The following GPC6 variants were observed in gnomAD, a reference collection of about 807,000 sequenced individuals.
The protein encoded by GPC6 is glypican-6.
GPC6 carries 14 observed loss-of-function variants against 55.2 expected under a neutral mutation model. That is an observed-to-expected ratio of 0.25 (90% CI 0.17 to 0.40). GPC6 has a LOEUF of 0.40. Ranked by LOEUF, GPC6 falls within the 10% of genes least tolerant of loss-of-function variation. The pLI, the probability that GPC6 is intolerant of heterozygous loss-of-function variation, is 1.00. For missense variants in GPC6, 641 were observed against 708.5 expected, an observed-to-expected ratio of 0.90 and a Z score of 1.08; for synonymous variants, 278 against 259.6, an observed-to-expected ratio of 1.07 and a Z score of -0.68.
intron 1 of GPC6, among the ~76,000 whole-genome samples, chr13:93,422,445 G>A (rs1876956945): frequency 6.6e-6 from 1 of 152,130 alleles, no homozygotes; most frequent in African/African-American, 2.4e-5. Context: ...CCACTGCATG[G>A]ATGTGGAATG....
intron 2 of GPC6, among the ~76,000 whole-genome samples, chr13:93,790,404 A>G (rs1310144319): frequency 6.6e-6 from 1 of 152,212 alleles, no homozygotes. Flanking sequence ...ATTTAAATAG[A>G]AAGACATAAC....
chr13:93,681,527 A>G lies in GPC6; in HGVS notation c.319+136106A>G, dbSNP rs1177525114. ...ATACAGAAATCAATTTGGATATTCTATGGTATTAAATAAAACTTAATTACA... is the reference window on the plus strand; with the variant it reads ...ATACAGAAATCAATTTGGATATTCTGTGGTATTAAATAAAACTTAATTACA... On this transcript the variant is annotated intron_variant, in intron 2 of 8. Coordinates refer to ENST00000377047, the MANE Select transcript of GPC6 (RefSeq NM_005708.5). 3.3e-5 allele frequency among the ~76,000 whole-genome samples: 5 copies of G among 152,328 alleles called. No individual in the cohort carries two copies. The East Asian group carries it at 5.8e-4, about 18-fold the overall frequency.
rs547030706 is a variant in GPC6, at chr13:94,055,352, A to C, written c.877+27458A>C. 2.6e-4 allele frequency among the ~76,000 whole-genome samples: 40 copies of C among 152,338 alleles called. No individual in the cohort carries two copies. In the South Asian group the frequency reaches 4.4e-3, roughly 17 times the overall value. Reference sequence around the variant, plus strand: ...CTAGCAAAGAAAGGAGGAGAAAGAAAAGGTAATCATCTAGGATAGCACTGG... The same window carrying C: ...CTAGCAAAGAAAGGAGGAGAAAGAACAGGTAATCATCTAGGATAGCACTGG... On this transcript the variant is annotated intron_variant, in intron 4 of 8. Coordinates refer to ENST00000377047, the MANE Select transcript of GPC6 (RefSeq NM_005708.5).
rs185478150 is a variant in GPC6 at position 93,349,285 on chromosome 13, A to G, written c.160+121669A>G. ...CTTTTTTTTCCCTGTAAAAGTAACT[A>G]AGTTGTATCATTGATGACATGCCAT... On this transcript the variant is annotated intron_variant, in intron 1 of 8. Coordinates refer to ENST00000377047, the MANE Select transcript of GPC6 (RefSeq NM_005708.5). Among the ~76,000 whole-genome samples, 176 of 152,166 alleles carry G rather than the reference A, an allele frequency of 1.2e-3. 1 individual carries two copies. The highest frequency in any genetic ancestry group is 4.1e-3 in the African/African-American group (170 of 41,510).
At chr13:93,371,036 C>A (rs1450759785) in intron 1 of GPC6, among the ~76,000 whole-genome samples, 1 of 152,078 alleles carries the variant, frequency 6.6e-6, no homozygotes, top group Non-Finnish European at 1.5e-5. Flanking sequence ...CAAATAATCT[C>A]TTACTTTTGT....
chr13:94,080,961 G>C (rs932247477), intron 4 of GPC6, among the ~76,000 whole-genome samples: 1 of 152,148 alleles, frequency 6.6e-6, no homozygotes, highest in Admixed American at 6.6e-5. Context: ...TGTTCTTTTA[G>C]AGTCTTCTGA....
At chr13:94,365,370 A>G (rs895795571) in intron 6 of GPC6, among the ~76,000 whole-genome samples, 2 of 152,212 alleles carry the variant, frequency 1.3e-5, no homozygotes, top group African/African-American at 4.8e-5. Context: ...CCCTTAGGCT[A>G]AAATCTTTGG....
chr13:93,859,336 A>G (rs1888733277), intron 3 of GPC6, among the ~76,000 whole-genome samples: 1 of 151,688 alleles, frequency 6.6e-6, no homozygotes, highest in African/African-American at 2.4e-5. Context: ...TGAAAAATAA[A>G]CTATTCAGTG....
Position 94,403,448 on chromosome 13 carries a change from A to G in GPC6, c.*231A>G. Reference sequence around the variant, plus strand: ...TCTGTGGGGACCTTGTTTATTCTAGAGAGAATTCTTACTCAAATTTTTCGT... The same window carrying G: ...TCTGTGGGGACCTTGTTTATTCTAGGGAGAATTCTTACTCAAATTTTTCGT... On this transcript the variant is annotated 3_prime_UTR_variant, in exon 9 of 9. Transcript: ENST00000377047. 3.6e-6 allele frequency: 2 copies of G among 551,434 alleles called. No individual in the cohort carries two copies. Among genetic ancestry groups the G allele is most frequent in the Non-Finnish European group, 6.5e-6 (2 of 307,276 alleles). 34.2% of individuals were successfully genotyped at this position (551,434 alleles called of 1,614,324 possible).
chr13:94,129,259 C>T (rs1198701243), intron 4 of GPC6, among the ~76,000 whole-genome samples: 1 of 152,114 alleles, frequency 6.6e-6, no homozygotes, highest in Non-Finnish European at 1.5e-5. Context: ...AAACCATAAG[C>T]TGTGCTGGAC....
At chr13:94,325,633 A>T (rs1328501662) in intron 6 of GPC6, among the ~76,000 whole-genome samples, 1 of 152,244 alleles carries the variant, frequency 6.6e-6, no homozygotes, top group Non-Finnish European at 1.5e-5. Flanking sequence ...TAAAAGGCTC[A>T]TGGGAATTGT....
At position 94,406,855 on chromosome 13, in the gene GPC6, A is replaced by T. The variant is rs1881389631; in HGVS notation, c.*3638A>T. 1 of 152,156 alleles carries T rather than the reference A, an allele frequency of 6.6e-6. No homozygotes were observed. The highest frequency in any genetic ancestry group is 2.1e-4 in the South Asian group (1 of 4,836). The allele number at this position is 152,156 out of a possible 1,614,324, so 9.4% of individuals were successfully genotyped here. ...AAACCTAGACGCATTAGGAAATGCAAGTTTTACCTAAAACTTGCAGAAATT... is the reference window on the plus strand; with the variant it reads ...AAACCTAGACGCATTAGGAAATGCATGTTTTACCTAAAACTTGCAGAAATT... On this transcript the variant is annotated 3_prime_UTR_variant, in exon 9 of 9. Coordinates refer to ENST00000377047, the MANE Select transcript of GPC6 (RefSeq NM_005708.5).
intron 1 of GPC6, among the ~76,000 whole-genome samples, chr13:93,449,472 C>T (rs779428969): frequency 4.0e-5 from 6 of 150,986 alleles, no homozygotes; most frequent in Non-Finnish European, 8.9e-5. Context: ...GAAATTCTTT[C>T]TTCTGCACTC....
chr13:93,527,008 T>A (rs1399786432), intron 1 of GPC6, among the ~76,000 whole-genome samples: 1 of 152,094 alleles, frequency 6.6e-6, no homozygotes, highest in Non-Finnish European at 1.5e-5. Context: ...TAGTGTGCCC[T>A]AAGCATTGTG....
chr13:94,064,713 C>T lies in GPC6; in HGVS notation c.877+36819C>T, dbSNP rs540071231. Among the ~76,000 whole-genome samples the T allele has an allele frequency of 3.4e-3, 512 of 152,172 alleles. 8 individuals carry two copies. The highest frequency in any genetic ancestry group is 0.012 in the African/African-American group (478 of 41,518). On this transcript the variant is annotated intron_variant, in intron 4 of 8. Transcript: ENST00000377047. ...TCACACTTAGCATTGGATTAAAACA[C>T]TCAAATCTAGGGCATTAAAATCACC... is the stretch of plus-strand genomic sequence containing the variant.
intron 4 of GPC6, among the ~76,000 whole-genome samples, chr13:94,137,644 A>C (rs1887230819): frequency 6.6e-6 from 1 of 152,216 alleles, no homozygotes; most frequent in Non-Finnish European, 1.5e-5. Flanking sequence ...ATGAAAACAT[A>C]ATTATCAATA....
rs745404606 is a variant in GPC6, at chr13:94,286,496, T to C, written c.1008+17T>C. 7 of 1,608,624 alleles carry C rather than the reference T, an allele frequency of 4.4e-6. No individual in the cohort carries two copies. The highest frequency in any genetic ancestry group is 1.3e-5 in the African/African-American group (1 of 74,796). On this transcript the variant is annotated intron_variant, in intron 5 of 8. Coordinates refer to ENST00000377047, the MANE Select transcript of GPC6 (RefSeq NM_005708.5). ...TCTGCAAAGGTATTTGCATTAGTAA[T>C]GTATCTGCCAATACATGTATGTTAT...
intron 3 of GPC6, among the ~76,000 whole-genome samples, chr13:93,932,926 G>C (rs1466384686): frequency 4.6e-5 from 7 of 151,136 alleles, no homozygotes; most frequent in African/African-American, 1.5e-4. Context: ...GTCTTATTGG[G>C]CTAAAGTCAA....
chr13:93,961,807 C>CTT (rs141437331), intron 3 of GPC6, among the ~76,000 whole-genome samples: 12 of 147,290 alleles, frequency 8.1e-5, no homozygotes, highest in Middle Eastern at 3.4e-3. Flanking sequence ...TTTCTCCCCT[C>CTT]CTTTTTTTTT....
Sources: allele counts gnomAD v4.1 joint callset (sites outside exome capture counted in the v4.1 genomes callset), GRCh38; gene constraint gnomAD v4.1.1; transcripts MANE v1.5; gene names NCBI Gene and HGNC (gene_info 2026-07-23, HGNC 2026-07-21).